The following DZIP1 variants were observed in gnomAD, a reference collection of about 807,000 sequenced individuals.
DZIP1 encodes cilium assembly protein DZIP1.
DZIP1 carries 97 observed loss-of-function variants against 107.6 expected under a neutral mutation model. The ratio of observed to expected loss-of-function variants is 0.90; its 90% confidence interval spans 0.77 to 1.07. The LOEUF (loss-of-function observed/expected upper bound fraction) is 1.07. Among genes scored for constraint, DZIP1 ranks in the 50% least tolerant of loss-of-function variants. The pLI is 0.00. For synonymous variants in DZIP1, 390 were observed against 386.4 expected (o/e 1.01, Z -0.11); for missense variants, 1,035 against 1,063.6 (o/e 0.97, Z 0.37).
At chr13:95,599,722 G>A (rs1198525818) in intron 14 of DZIP1, among the ~76,000 whole-genome samples, 2 of 152,008 alleles carry the variant, frequency 1.3e-5, no homozygotes, top group African/African-American at 2.4e-5. Context: ...AAGACACAAG[G>A]GCACAACTGC....
intron 10 of DZIP1, chr13:95,618,011 C>T (rs185885482): frequency 2.1e-5 from 11 of 519,028 alleles, no homozygotes; most frequent in East Asian, 1.1e-4. Context: ...TTAGGCATGT[C>T]GCACTTGAGA....
At chr13:95,623,725 G>A (rs751836434) in intron 8 of DZIP1, among the ~76,000 whole-genome samples, 1 of 152,164 alleles carries the variant, frequency 6.6e-6, no homozygotes, top group Non-Finnish European at 1.5e-5. Flanking sequence ...AGGATCACTT[G>A]AGGCCAGGAG....
rs2138715042 is a variant in DZIP1, at chr13:95,580,828, A to T, written c.*1406T>A. On this transcript the variant is annotated 3_prime_UTR_variant, in exon 23 of 23. Coordinates refer to ENST00000376829, the MANE Select transcript of DZIP1 (RefSeq NM_198968.4). Reference sequence around the variant, plus strand: ...TTCTGTTCTCTGTCCTACTACATGAAACTTGGATTCAGCCTTCACTAAAGC... The same window carrying T: ...TTCTGTTCTCTGTCCTACTACATGATACTTGGATTCAGCCTTCACTAAAGC... 1 of 152,314 alleles carries T rather than the reference A, an allele frequency of 6.6e-6. No homozygotes were observed. The highest frequency in any genetic ancestry group is 2.1e-4 in the South Asian group (1 of 4,824). The allele number at this position is 152,314 out of a possible 1,614,324, so 9.4% of individuals were successfully genotyped here.
intron 12 of DZIP1, 140 bp downstream of exon 12, chr13:95,611,305 G>A: frequency 3.0e-6 from 2 of 662,966 alleles, no homozygotes; most frequent in Admixed American, 5.2e-5. Flanking sequence ...TAAAATAATA[G>A]AGGACAGATC....
In DZIP1 at chr13:95,581,650, G is replaced by A. The variant is rs946742424; in HGVS notation, c.*584C>T. The A allele has an allele frequency of 6.6e-6, 1 of 152,212 alleles. No individual in the cohort carries two copies. Among genetic ancestry groups the A allele is most frequent in the African/African-American group, 2.4e-5 (1 of 41,398 alleles). The allele number at this position is 152,212 out of a possible 1,614,324, so 9.4% of individuals were successfully genotyped here. A position where few individuals can be genotyped will look rare whatever the true frequency, so the allele number is the denominator to read the frequency against. On this transcript the variant is annotated 3_prime_UTR_variant, in exon 23 of 23. Coordinates refer to ENST00000376829, the MANE Select transcript of DZIP1 (RefSeq NM_198968.4). ...TTGCCCACGCTGGTCTTGAACTCCT[G>A]TGCTCAAGTTATCCTCCCACCTCAG...
intron 7 of DZIP1, among the ~76,000 whole-genome samples, chr13:95,625,354 T>C (rs1375321517): frequency 2.6e-5 from 4 of 152,242 alleles, no homozygotes; most frequent in East Asian, 1.9e-4. Context: ...AGGAGCTAAA[T>C]TCAAGGTCAG....
intron 15 of DZIP1, among the ~76,000 whole-genome samples, chr13:95,596,988 A>G (rs1817237304): frequency 6.6e-6 from 1 of 152,194 alleles, no homozygotes; most frequent in Non-Finnish European, 1.5e-5. Context: ...GGTGTTTTCT[A>G]TGGTCCTCAG....
At position 95,624,872 on chromosome 13, in the gene DZIP1, TC is replaced by T; in HGVS notation, c.867del (p.Trp289Ter). 6.2e-7 allele frequency: 1 copy of T among 1,612,800 alleles called. No homozygotes were observed. Among genetic ancestry groups the T allele is most frequent in the Non-Finnish European group, 8.5e-7 (1 of 1,179,420 alleles). ...ACTAGTTTCTCCTTTTCTTCTTCTT[TC>T]CACCTGTCAAATAACTTCAAAAAGT... ...EEDFLKLFDR[W>X]KEEEKEKLVD... is the part of the protein sequence containing the mutation. On this transcript the variant is annotated frameshift_variant, in exon 8 of 23. Transcript: ENST00000376829. LOFTEE classifies it high-confidence loss of function.
At chr13:95,597,166 G>A (rs919641685) in intron 15 of DZIP1, among the ~76,000 whole-genome samples, 1 of 152,198 alleles carries the variant, frequency 6.6e-6, no homozygotes, top group Non-Finnish European at 1.5e-5. Context: ...CACAGGCAGA[G>A]GGATGCAGTG....
At chr13:95,590,530 A>G (rs2138826565) in intron 16 of DZIP1, 89 bp from the exon 17 acceptor site, 1 of 1,344,180 alleles carries the variant, frequency 7.4e-7, no homozygotes, top group Non-Finnish European at 1.0e-6. Flanking sequence ...CAACATTTCA[A>G]TCCATCCTTA....
At chr13:95,625,024 T>C in intron 7 of DZIP1, 95 bp from the exon 8 acceptor site, 2 of 1,085,962 alleles carry the variant, frequency 1.8e-6, no homozygotes, top group Admixed American at 2.8e-5. Context: ...TCAAAAATGT[T>C]AGCTAGTATT....
At chr13:95,621,730 T>C (rs1269277952) in intron 9 of DZIP1, among the ~76,000 whole-genome samples, 1 of 149,516 alleles carries the variant, frequency 6.7e-6, no homozygotes, top group Non-Finnish European at 1.5e-5. Flanking sequence ...ATTTATTTAT[T>C]TTTTGAGACT....
At chr13:95,624,058 A>C (rs1158718546) in intron 8 of DZIP1, among the ~76,000 whole-genome samples, 1 of 152,230 alleles carries the variant, frequency 6.6e-6, no homozygotes, top group Non-Finnish European at 1.5e-5. Context: ...GAGTTTAAAG[A>C]GTTTTAGGAA....
At position 95,641,719 on chromosome 13, in the gene DZIP1, A is replaced by G; in HGVS notation, c.173T>C (p.Phe58Ser). 13 of 1,600,024 alleles carry G rather than the reference A, an allele frequency of 8.1e-6. No individual in the cohort carries two copies. Among genetic ancestry groups the G allele is most frequent in the Non-Finnish European group, 1.0e-5 (12 of 1,178,362 alleles). ...ACTCTCCAGCCGCGGCCTGAACTGG[A>G]AGAAGGGCAGGGGCCCCGAAGCCGC... is the stretch of plus-strand genomic sequence containing the variant. Reference protein sequence around the residue: ...PSAASGPLPFFQFRPRLESVD... With the variant: ...PSAASGPLPFSQFRPRLESVD... Residue 58 changes from phenylalanine (F) to serine (S), a missense_variant, in exon 5 of 23, where the codon TTC becomes TCC. Phe to Ser is a radical substitution (Grantham distance 155, BLOSUM62 -2). Transcript: ENST00000376829. The surrounding 1 kb of genome is among the most constrained non-coding windows in gnomAD (Gnocchi z 4.3).
chr13:95,638,066 A>G (rs1344311115), intron 5 of DZIP1, among the ~76,000 whole-genome samples: 2 of 151,392 alleles, frequency 1.3e-5, no homozygotes, highest in Non-Finnish European at 2.9e-5. Context: ...ATATAGCAAA[A>G]TGCTAACCTG....
intron 8 of DZIP1, among the ~76,000 whole-genome samples, chr13:95,624,553 G>T (rs1434818502): frequency 6.6e-6 from 1 of 152,216 alleles, no homozygotes; most frequent in East Asian, 1.9e-4. Flanking sequence ...CACCACGAGT[G>T]TTCTGCACTG....
chr13:95,627,950 A>G (rs1261262730), intron 7 of DZIP1, among the ~76,000 whole-genome samples: 2 of 152,254 alleles, frequency 1.3e-5, no homozygotes, highest in Non-Finnish European at 2.9e-5. Context: ...ATGGAATATT[A>G]GCAAGACCGA....
chr13:95,587,453 C>T, intron 20 of DZIP1, 86 bp downstream of exon 20: 1 of 1,534,822 alleles, frequency 6.5e-7, no homozygotes, highest in African/African-American at 1.4e-5. Flanking sequence ...ACCCTCCCAG[C>T]TCAGACTCCC....
intron 15 of DZIP1, 127 bp from the exon 16 acceptor site, chr13:95,594,213 T>C: frequency 1.1e-5 from 9 of 798,452 alleles, no homozygotes; most frequent in Non-Finnish European, 1.5e-5. Context: ...TTAAAGTTTT[T>C]GGATATTTTA....
Sources: allele counts gnomAD v4.1 joint callset (sites outside exome capture counted in the v4.1 genomes callset), GRCh38; gene constraint gnomAD v4.1.1; non-coding constraint Gnocchi (gnomAD v3.1); transcripts MANE v1.5; gene names NCBI Gene and HGNC (gene_info 2026-07-23, HGNC 2026-07-21).